Variants in RASA3 observed in about 807,000 individuals in gnomAD.
RASA3 encodes RAS p21 protein activator 3.
In RASA3, 73 loss-of-function variants were observed where a neutral mutation model predicts 110.0. The observed-to-expected ratio is 0.66, with a 90% confidence interval of 0.55 to 0.81. RASA3 has a LOEUF of 0.81. RASA3 is among the 30% of genes least tolerant of loss of function. The pLI, the probability that RASA3 is intolerant of heterozygous loss-of-function variation, is 0.00. For synonymous variants in RASA3, 500 were observed against 451.4 expected (o/e 1.11, Z -1.37); for missense variants, 976 against 1,113.2 (o/e 0.88, Z 1.75).
chr13:114,105,869 G>T (rs9525261), intron 1 of RASA3, among the ~76,000 whole-genome samples: 1 of 152,174 alleles, frequency 6.6e-6, no homozygotes, highest in Non-Finnish European at 1.5e-5. Context: ...AAACTATTAC[G>T]GTAAGCTACA....
chr13:114,011,927 AAAG>A lies in RASA3; in HGVS notation c.1513-682_1513-680del, dbSNP rs1217821898. On this transcript the variant is annotated intron_variant, in intron 15 of 23. Transcript: ENST00000334062. This position sits in a 1 kb window ranked among gnomAD's most constrained non-coding sequence, Gnocchi z 4.8. ...CAGAGCAAGACTCTGTCTCAAAAAAAAAGAAGTGCTGGGGAATGGGCAATCCCT... is the reference window on the plus strand; with the variant it reads ...CAGAGCAAGACTCTGTCTCAAAAAAAAAGTGCTGGGGAATGGGCAATCCCT... Among the ~76,000 whole-genome samples the A allele has an allele frequency of 6.6e-6, 1 of 151,762 alleles. No individual in the cohort carries two copies. The highest frequency in any genetic ancestry group is 2.4e-5 in the African/African-American group (1 of 41,252).
chr13:114,001,016 G>A (rs988182108), intron 18 of RASA3, 84 bp from the exon 19 acceptor site: 13 of 854,508 alleles, frequency 1.5e-5, no homozygotes, highest in Admixed American at 7.3e-5. Context: ...CACTTTCTGC[G>A]TTCTGAGACC....
chr13:114,119,484 C>T (rs184421535), intron 1 of RASA3, among the ~76,000 whole-genome samples: 7 of 111,404 alleles, frequency 6.3e-5, no homozygotes, highest in Admixed American at 6.1e-4. Context: ...CCAGCAGGGC[C>T]CCCCTCCCCT....
At position 113,979,155 on chromosome 13, in the gene RASA3, G is replaced by A; in HGVS notation, c.*192C>T. On this transcript the variant is annotated 3_prime_UTR_variant, in exon 24 of 24. Coordinates refer to ENST00000334062, the MANE Select transcript of RASA3 (RefSeq NM_007368.4). ...ACGACACGTTCCACAGGGCCAGGTG[G>A]GCTTTCTGCGGAGGGCGTGGCGGTG... The A allele has an allele frequency of 1.7e-6, 1 of 599,176 alleles. No individual in the cohort carries two copies. Among genetic ancestry groups the A allele is most frequent in the South Asian group, 2.0e-5 (1 of 50,760 alleles). 37.1% of individuals were successfully genotyped at this position (599,176 alleles called of 1,614,324 possible).
rs117440475 is a variant in RASA3, at chr13:114,072,781, T to G, written c.173+939A>C. 7.8e-3 allele frequency among the ~76,000 whole-genome samples: 1,194 copies of G among 152,294 alleles called. 7 individuals carry two copies. The highest frequency in any genetic ancestry group is 0.033 in the South Asian group (161 of 4,818). On this transcript the variant is annotated intron_variant, in intron 2 of 23. Coordinates refer to ENST00000334062, the MANE Select transcript of RASA3 (RefSeq NM_007368.4). Reference sequence around the variant, plus strand: ...AAGCAGGAGGAAAATGGGAAGGTGATGTACATGCTCAGGACATAATCTACA... The same window carrying G: ...AAGCAGGAGGAAAATGGGAAGGTGAGGTACATGCTCAGGACATAATCTACA...
intron 6 of RASA3, 82 bp downstream of exon 6, chr13:114,027,765 T>C (rs2054053905): frequency 7.2e-7 from 1 of 1,394,568 alleles, no homozygotes; most frequent in Non-Finnish European, 1.0e-6. Flanking sequence ...TCCTCCCAAA[T>C]GAGGCAGTGG....
intron 3 of RASA3, among the ~76,000 whole-genome samples, chr13:114,050,964 G>C (rs951727638): frequency 6.6e-6 from 1 of 152,244 alleles, no homozygotes; most frequent in African/African-American, 2.4e-5. Flanking sequence ...ACAGCTGAGG[G>C]ACACAGGTGA....
In RASA3 at chr13:114,125,536, T is replaced by C. The variant is rs553737326; in HGVS notation, c.55+6899A>G. Among the ~76,000 whole-genome samples the C allele has an allele frequency of 2.3e-4, 35 of 152,220 alleles. No individual in the cohort carries two copies. In the South Asian group the frequency reaches 5.4e-3, roughly 23 times the overall value. ...GATAGCGCTGAGCTGTTCATATAAA[T>C]CCACCCTCAAGATCCAGTCGCTTCC... On this transcript the variant is annotated intron_variant, in intron 1 of 23. Transcript: ENST00000334062.
At chr13:114,004,959 T>C (rs1406886038) in intron 18 of RASA3, among the ~76,000 whole-genome samples, 3 of 152,202 alleles carry the variant, frequency 2.0e-5, no homozygotes, top group African/African-American at 4.8e-5. Flanking sequence ...GGAAATCTTA[T>C]GTTTTCCAGC....
chr13:114,063,659 G>C (rs1180217214), intron 2 of RASA3, among the ~76,000 whole-genome samples: 1 of 152,228 alleles, frequency 6.6e-6, no homozygotes, highest in Non-Finnish European at 1.5e-5. Context: ...TGTGCACGCT[G>C]TGTGGTGGGA....
At chr13:114,109,617 T>C (rs1566580334) in intron 1 of RASA3, among the ~76,000 whole-genome samples, 1 of 152,224 alleles carries the variant, frequency 6.6e-6, no homozygotes, top group Non-Finnish European at 1.5e-5. Context: ...CTGTTTTCTC[T>C]TAAAGCAACA....
intron 2 of RASA3, among the ~76,000 whole-genome samples, chr13:114,071,125 T>C (rs2079566050): frequency 6.6e-6 from 1 of 152,248 alleles, no homozygotes; most frequent in Admixed American, 6.5e-5. Context: ...GTGTGTGTTT[T>C]GGGTTTTTTT....
chr13:113,994,865 C>T (rs1483047211), intron 21 of RASA3, among the ~76,000 whole-genome samples: 1 of 152,162 alleles, frequency 6.6e-6, no homozygotes, highest in Non-Finnish European at 1.5e-5. Flanking sequence ...TCCCAGGTAC[C>T]TGGGAGGCTG....
rs536590942 is a variant in RASA3 at position 114,009,305 on chromosome 13, G to A, written c.1668+82C>T. On this transcript the variant is annotated intron_variant, in intron 17 of 23. Coordinates refer to ENST00000334062, the MANE Select transcript of RASA3 (RefSeq NM_007368.4). ...TCGCTAATGGCCAAGTCTGTGTCAT[G>A]TGGGTTCTATCTCAATTTTAAAAGA... 42 of 1,135,774 alleles carry A rather than the reference G, an allele frequency of 3.7e-5. No homozygotes were observed. In the Admixed American group the frequency reaches 7.6e-4, roughly 20 times the overall value. The allele number at this position is 1,135,774 out of a possible 1,614,324, so 70.4% of individuals were successfully genotyped here. A position where few individuals can be genotyped will look rare whatever the true frequency, so the allele number is the denominator to read the frequency against.
chr13:114,018,425 G>A (rs2053842321), intron 10 of RASA3, among the ~76,000 whole-genome samples, 173 bp from the exon 11 acceptor site: 1 of 152,186 alleles, frequency 6.6e-6, no homozygotes, highest in South Asian at 2.1e-4. Context: ...TGCTTGGCTG[G>A]ACCCTTGGAG....
intron 1 of RASA3, among the ~76,000 whole-genome samples, chr13:114,078,269 C>T (rs2079725985): frequency 6.6e-6 from 1 of 152,264 alleles, no homozygotes; most frequent in Admixed American, 6.5e-5. Flanking sequence ...ACAGTTCATT[C>T]AGTTACCTTC....
chr13:114,028,007 G>A (rs1309394935), intron 5 of RASA3, 80 bp from the exon 6 acceptor site: 8 of 1,234,160 alleles, frequency 6.5e-6, no homozygotes, highest in Non-Finnish European at 7.0e-6. Context: ...GGTCAGGCAG[G>A]AGGCCTGAGT....
intron 23 of RASA3, among the ~76,000 whole-genome samples, chr13:113,980,317 C>CGT (rs2052897747): frequency 6.9e-6 from 1 of 144,002 alleles, no homozygotes; most frequent in South Asian, 2.3e-4. Flanking sequence ...GCACCTCCTC[C>CGT]GTCTGTGCCT....
intron 4 of RASA3, among the ~76,000 whole-genome samples, chr13:114,034,832 T>C (rs148766048): frequency 6.6e-6 from 1 of 152,320 alleles, no homozygotes; most frequent in Non-Finnish European, 1.5e-5. Flanking sequence ...GGAGCCGTGC[T>C]CGGGGTGGAG....
Sources: allele counts gnomAD v4.1 joint callset (sites outside exome capture counted in the v4.1 genomes callset), GRCh38; gene constraint gnomAD v4.1.1; non-coding constraint Gnocchi (gnomAD v3.1); transcripts MANE v1.5; gene names NCBI Gene and HGNC (gene_info 2026-07-23, HGNC 2026-07-21).